Variants in ZYG11A observed in about 807,000 individuals in gnomAD.
ZYG11A encodes the protein zyg-11 family member A, cell cycle regulator.
In ZYG11A, 62 loss-of-function variants were observed where a neutral mutation model predicts 77.2. The observed-to-expected ratio is 0.80, with a 90% confidence interval of 0.65 to 0.99. The LOEUF is 0.99. Among genes scored for constraint, ZYG11A ranks in the 50% least tolerant of loss-of-function variants. The probability of loss-of-function intolerance (pLI) is 0.00; values close to 1 mark genes in which losing one functional copy is unlikely to be tolerated. For synonymous variants in ZYG11A, 315 were observed against 324.6 expected (o/e 0.97, Z 0.32); for missense variants, 828 against 896.8 (o/e 0.92, Z 0.98).
chr1:52,847,860 A>T (rs1162843067), intron 1 of ZYG11A, among the ~76,000 whole-genome samples: 11 of 92,864 alleles, frequency 1.2e-4, no homozygotes, highest in African/African-American at 3.9e-4. Flanking sequence ...TTATTTATTT[A>T]TTTATTTATT....
In ZYG11A at chr1:52,847,868, ATTTATTTATTTATTT is replaced by A. The variant is rs1490345822; in HGVS notation, c.90+4899_90+4913del. Among the ~76,000 whole-genome samples the A allele has an allele frequency of 1.3e-3, 94 of 72,580 alleles. 1 individual carries two copies. Among genetic ancestry groups the A allele is most frequent in the African/African-American group, 1.9e-3 (26 of 14,046 alleles). The allele number at this position is 72,580 out of a possible 152,430, so 47.6% of individuals were successfully genotyped here. The stretch of plus-strand genomic sequence containing the variant: ...TATTTATTTATTTATTTATTTATTT[ATTTATTTATTTATTT>A]TTTTGAGATGGAGTCTCGCTCTGTC... On this transcript the variant is annotated intron_variant, in intron 1 of 13. Coordinates refer to ENST00000371528, the MANE Select transcript of ZYG11A (RefSeq NM_001004339.3).
chr1:52,891,736 A>T (rs990712381), intron 13 of ZYG11A, among the ~76,000 whole-genome samples: 1 of 151,802 alleles, frequency 6.6e-6, no homozygotes, highest in Admixed American at 6.6e-5. Context: ...CTGAAATTGA[A>T]ATGCCTCAAT....
chr1:52,891,707 T>C (rs1248687879), intron 13 of ZYG11A, among the ~76,000 whole-genome samples: 1 of 151,834 alleles, frequency 6.6e-6, no homozygotes, highest in African/African-American at 2.4e-5. Context: ...TGTAGGAATA[T>C]TGCCTCCAAC....
At chr1:52,844,551 A>C (rs986792508) in intron 1 of ZYG11A, among the ~76,000 whole-genome samples, 2 of 152,128 alleles carry the variant, frequency 1.3e-5, no homozygotes, top group Admixed American at 1.3e-4. Flanking sequence ...CAAATATTGC[A>C]TGAATACTTT....
intron 11 of ZYG11A, among the ~76,000 whole-genome samples, chr1:52,885,013 A>C (rs1477206080): frequency 6.6e-6 from 1 of 151,414 alleles, no homozygotes; most frequent in Non-Finnish European, 1.5e-5. Context: ...GCTTCAAGCG[A>C]TTCTCCTGCC....
At chr1:52,885,211 C>G (rs1415385068) in intron 11 of ZYG11A, among the ~76,000 whole-genome samples, 16 of 150,786 alleles carry the variant, frequency 1.1e-4, no homozygotes, top group Non-Finnish European at 1.0e-4. Context: ...GCCCGGCCCA[C>G]TCCTCCTATT....
In ZYG11A at chr1:52,842,801, G is replaced by C; in HGVS notation, c.-83G>C. 1 of 1,356,250 alleles carries C rather than the reference G, an allele frequency of 7.4e-7. No homozygotes were observed. Among genetic ancestry groups the C allele is most frequent in the South Asian group, 1.3e-5 (1 of 76,116 alleles). 84.0% of individuals were successfully genotyped at this position (1,356,250 alleles called of 1,614,324 possible). On this transcript the variant is annotated 5_prime_UTR_variant, in exon 1 of 14. Coordinates refer to ENST00000371528, the MANE Select transcript of ZYG11A (RefSeq NM_001004339.3). Reference sequence around the variant, plus strand: ...TCGCAGGCGTGGTGGGCGCGTCCTGGCAGCCGCCCGCTTGGTTCTCGCGGG... The same window carrying C: ...TCGCAGGCGTGGTGGGCGCGTCCTGCCAGCCGCCCGCTTGGTTCTCGCGGG...
intron 13 of ZYG11A, among the ~76,000 whole-genome samples, chr1:52,890,053 G>GTTT (rs67041059): frequency 2.0e-4 from 24 of 118,518 alleles, no homozygotes; most frequent in South Asian, 5.5e-4. Flanking sequence ...ATCACTGCTT[G>GTTT]TTTTTTTTTT....
chr1:52,881,291 A>C, intron 10 of ZYG11A, 180 bp from the exon 11 acceptor site: 1 of 491,340 alleles, frequency 2.0e-6, no homozygotes, highest in Middle Eastern at 5.3e-4. Flanking sequence ...ATTGTTGTTA[A>C]TGATCATCCT....
rs1416549940 is a variant in ZYG11A, at chr1:52,857,617, T to C, written c.876T>C (p.Ile292=). The stretch of plus-strand genomic sequence containing the variant: ...TGCCCAATGTTGTGTCATTGGATAT[T>C]TCTGGGGGCAATTGCATCACTGATG... ...DILPNVVSLD[I]SGGNCITDEA... Residue 292 remains isoleucine (I), a synonymous_variant, in exon 3 of 14, where the codon ATT becomes ATC. Coordinates refer to ENST00000371528, the MANE Select transcript of ZYG11A (RefSeq NM_001004339.3). 1.3e-6 allele frequency: 2 copies of C among 1,552,036 alleles called. No homozygotes were observed. Among genetic ancestry groups the C allele is most frequent in the Non-Finnish European group, 8.7e-7 (1 of 1,147,058 alleles).
At position 52,887,029 on chromosome 1, in the gene ZYG11A, A is replaced by G. The variant is rs779208760; in HGVS notation, c.2080A>G (p.Met694Val). 5 of 1,542,020 alleles carry G rather than the reference A, an allele frequency of 3.2e-6. No individual in the cohort carries two copies. Among genetic ancestry groups the G allele is most frequent in the Non-Finnish European group, 4.4e-6 (5 of 1,139,612 alleles). Residue 694 changes from methionine (M) to valine (V), a missense_variant, in exon 13 of 14, where the codon ATG becomes GTG. Coordinates refer to ENST00000371528, the MANE Select transcript of ZYG11A (RefSeq NM_001004339.3). ...GGTTCAGCTCTGGGCACTATGGGCT[A>G]TGTATCATGTCTGCAGTAAAAATCG... The part of the protein sequence containing the change: ...PEVQLWALWA[M>V]YHVCSKNPSK...
chr1:52,847,884 T>TTTATTTA (rs1558157089), intron 1 of ZYG11A, among the ~76,000 whole-genome samples: 3 of 32,564 alleles, frequency 9.2e-5, no homozygotes, highest in East Asian at 3.1e-4. Context: ...TTATTTATTT[T>TTTATTTA]TTTGAGATGG....
intron 1 of ZYG11A, among the ~76,000 whole-genome samples, chr1:52,848,555 C>T (rs1356604643): frequency 6.6e-6 from 1 of 152,180 alleles, no homozygotes; most frequent in East Asian, 1.9e-4. Flanking sequence ...CCAGGCCAGT[C>T]TTGAGCTCTG....
intron 1 of ZYG11A, among the ~76,000 whole-genome samples, chr1:52,847,214 G>A (rs1270351094): frequency 1.3e-5 from 2 of 152,102 alleles, no homozygotes; most frequent in African/African-American, 4.8e-5. Flanking sequence ...TTATAGGTGT[G>A]CACCACCACA....
chr1:52,872,152 T>C (rs1646178895), intron 8 of ZYG11A, among the ~76,000 whole-genome samples: 1 of 151,712 alleles, frequency 6.6e-6, no homozygotes, highest in Non-Finnish European at 1.5e-5. Context: ...TGAGACAGAG[T>C]CTGCAATGGC....
intron 13 of ZYG11A, among the ~76,000 whole-genome samples, chr1:52,889,303 TC>T (rs1016408849): frequency 3.9e-5 from 6 of 152,100 alleles, no homozygotes; most frequent in Admixed American, 2.6e-4. Flanking sequence ...CCTGGGGTTC[TC>T]CCCAAAAAGA....
intron 6 of ZYG11A, 76 bp from the exon 7 acceptor site, chr1:52,867,463 A>G (rs1646046991): frequency 2.1e-6 from 2 of 948,606 alleles, no homozygotes; most frequent in Non-Finnish European, 3.3e-6. Flanking sequence ...TTACTTGGGG[A>G]ATGCCAAATG....
In ZYG11A at chr1:52,886,797, T is replaced by C. The variant is rs982990684; in HGVS notation, c.2007-159T>C. On this transcript the variant is annotated intron_variant, in intron 12 of 13. Transcript: ENST00000371528. ...CCTAAGCTCAAGCAATCCACCTACCTTGGCCTCCCAAAGTGCTGGGATTAC... is the reference window on the plus strand; with the variant it reads ...CCTAAGCTCAAGCAATCCACCTACCCTGGCCTCCCAAAGTGCTGGGATTAC... Among the ~76,000 whole-genome samples, 7 of 142,256 alleles carry C rather than the reference T, an allele frequency of 4.9e-5. No individual in the cohort carries two copies. In the East Asian group the frequency reaches 1.3e-3, roughly 26 times the overall value. The allele number at this position is 142,256 out of a possible 152,430, so 93.3% of individuals were successfully genotyped here. A position where few individuals can be genotyped will look rare whatever the true frequency, so the allele number is the denominator to read the frequency against.
rs139992442 is a variant in ZYG11A, at chr1:52,887,951, C to A, written c.2104+898C>A. 2.0e-5 allele frequency among the ~76,000 whole-genome samples: 3 copies of A among 152,174 alleles called. No homozygotes were observed. The East Asian group carries it at 5.8e-4, about 29-fold the overall frequency. ...ATAGGAGATATAAGCTATTATTTTACAACAGGAAACCCAAGAGACAACTTT... is the reference window on the plus strand; with the variant it reads ...ATAGGAGATATAAGCTATTATTTTAAAACAGGAAACCCAAGAGACAACTTT... On this transcript the variant is annotated intron_variant, in intron 13 of 13. Transcript: ENST00000371528.
Sources: allele counts gnomAD v4.1 joint callset (sites outside exome capture counted in the v4.1 genomes callset), GRCh38; gene constraint gnomAD v4.1.1; transcripts MANE v1.5; gene names NCBI Gene and HGNC (gene_info 2026-07-23, HGNC 2026-07-21).